The following KLHL13 variants were observed in gnomAD, a reference collection of about 807,000 sequenced individuals.
KLHL13 encodes kelch-like protein 13.
KLHL13 carries 10 observed loss-of-function variants against 37.1 expected under a neutral mutation model. That is an observed-to-expected ratio of 0.27 (90% CI 0.17 to 0.46). KLHL13 has a LOEUF of 0.46. Ranked by LOEUF, KLHL13 falls within the 20% of genes least tolerant of loss-of-function variation. The probability of loss-of-function intolerance (pLI) is 1.00; values close to 1 mark genes in which losing one functional copy is unlikely to be tolerated. For synonymous variants in KLHL13, 163 were observed against 181.2 expected, an observed-to-expected ratio of 0.90 and a Z score of 0.81; for missense variants, 360 against 509.3, an observed-to-expected ratio of 0.71 and a Z score of 2.82.
chrX:117,987,697 G>T (rs2053744036), intron 1 of KLHL13, among the ~76,000 whole-genome samples: 1 of 112,096 alleles, frequency 8.9e-6, no homozygotes, highest in South Asian at 3.6e-4. Context: ...TTAGTCAACT[G>T]TTTTATGTTA....
chrX:118,046,064 C>A (rs1228297599), intron 1 of KLHL13, among the ~76,000 whole-genome samples: 1 of 112,027 alleles, frequency 8.9e-6, no homozygotes, highest in Non-Finnish European at 1.9e-5. Flanking sequence ...GAAAGAAAAT[C>A]TATGTATCAA....
intron 1 of KLHL13, among the ~76,000 whole-genome samples, chrX:117,960,626 T>C (rs2053280407): frequency 8.9e-6 from 1 of 112,518 alleles, no homozygotes; most frequent in Admixed American, 9.4e-5. Context: ...ACCTGTATTA[T>C]TTGAATTTCC....
chrX:117,949,382 G>A (rs1412330931), intron 1 of KLHL13, among the ~76,000 whole-genome samples: 1 of 107,984 alleles, frequency 9.3e-6, no homozygotes, highest in Admixed American at 9.7e-5. Flanking sequence ...CTATGTCCTG[G>A]TAGGTGGGCC....
At chrX:118,088,123 T>C (rs1195092979) in intron 1 of KLHL13, among the ~76,000 whole-genome samples, 7 of 112,059 alleles carry the variant, frequency 6.2e-5, no homozygotes, top group Non-Finnish European at 1.9e-5. Flanking sequence ...TTAAGAGTAA[T>C]ACAACAGACA....
At chrX:118,062,012 C>T in intron 1 of KLHL13, among the ~76,000 whole-genome samples, 1 of 110,926 alleles carries the variant, frequency 9.0e-6, no homozygotes, top group Non-Finnish European at 1.9e-5. Flanking sequence ...CTTCTCCATA[C>T]CTTACTGTTT....
At chrX:117,976,784 T>C (rs923493726), upstream of KLHL13, among the ~76,000 whole-genome samples, 3 of 111,848 alleles carry the variant, frequency 2.7e-5, no homozygotes, top group Admixed American at 2.9e-4. Flanking sequence ...AGTTAAAAAA[T>C]ACCTGTGAAA....
intron 5 of KLHL13, among the ~76,000 whole-genome samples, chrX:117,904,775 G>C (rs755436863): frequency 1.8e-5 from 2 of 111,395 alleles, no homozygotes; most frequent in Admixed American, 1.9e-4. Context: ...TTGTGACAGA[G>C]ATTTAATGGC....
intron 1 of KLHL13, among the ~76,000 whole-genome samples, chrX:118,065,938 C>A (rs2054790036): frequency 9.0e-6 from 1 of 111,569 alleles, no homozygotes; most frequent in Non-Finnish European, 1.9e-5. Flanking sequence ...TTTTTTCTGA[C>A]AACATAGCTG....
intron 1 of KLHL13, among the ~76,000 whole-genome samples, chrX:117,998,409 T>G (rs544246060): frequency 1.8e-5 from 2 of 110,802 alleles, no homozygotes; most frequent in South Asian, 7.6e-4. Flanking sequence ...AATTATTAAC[T>G]ATGACAGAGG....
At chrX:118,025,972 A>C (rs1036829800) in intron 1 of KLHL13, among the ~76,000 whole-genome samples, 2 of 111,818 alleles carry the variant, frequency 1.8e-5, no homozygotes, top group Non-Finnish European at 3.8e-5. Flanking sequence ...TGACAGTTGG[A>C]TTCGGTACTA....
At chrX:117,943,298 T>G (rs1933143190) in intron 2 of KLHL13, among the ~76,000 whole-genome samples, 1 of 111,156 alleles carries the variant, frequency 9.0e-6, no homozygotes, top group Non-Finnish European at 1.9e-5. Flanking sequence ...CTGACGATTA[T>G]GTGTTTTGGG....
chrX:118,072,143 T>C (rs1432601864), intron 1 of KLHL13, among the ~76,000 whole-genome samples: 10 of 109,314 alleles, frequency 9.1e-5, no homozygotes, highest in Non-Finnish European at 1.5e-4. Context: ...TATAGATCAA[T>C]GGAACACAAC....
At chrX:118,103,479 G>T (rs2055311948) in intron 1 of KLHL13, among the ~76,000 whole-genome samples, 1 of 111,428 alleles carries the variant, frequency 9.0e-6, no homozygotes, top group African/African-American at 3.3e-5. Flanking sequence ...TAAAAATACT[G>T]AAAAAGTGTA....
rs750147411 is a variant in KLHL13 at position 117,909,635 on chromosome X, T to C, written c.1032A>G (p.Thr344=). The change falls in exon 5 of 7, where the codon ACA becomes ACG. Residue 344 remains threonine, a synonymous_variant. Coordinates refer to ENST00000262820, the Ensembl canonical transcript of KLHL13. The stretch of plus-strand genomic sequence containing the variant: ...GCTGCTGCCTCAGCACTCCTCCTAG[T>C]GTAACCAAGTGAGTGGTGTCAGACC... 3 of 1,209,840 alleles carry C rather than the reference T, an allele frequency of 2.5e-6. No homozygotes were observed. In the African/African-American group the frequency reaches 5.2e-5, roughly 21 times the overall value.
At position 118,109,216 on chromosome X, in the gene KLHL13, CAT is replaced by C. The variant is rs949866012; in HGVS notation, c.-56+7290_-56+7291del. Among the ~76,000 whole-genome samples, 17 of 112,045 alleles carry C rather than the reference CAT, an allele frequency of 1.5e-4. No individual in the cohort carries two copies. The South Asian group carries it at 2.2e-3, about 15-fold the overall frequency. On this transcript the variant is annotated intron_variant, in intron 1 of 6. Transcript: ENST00000371882. ...TTAAAAACTCTGTAAGAACTCAACACATGTTTAGATTTAGACCATTAGACCAA... is the reference window on the plus strand; with the variant it reads ...TTAAAAACTCTGTAAGAACTCAACACGTTTAGATTTAGACCATTAGACCAA...
At chrX:117,901,013 A>AT (rs1188849327) in intron 6 of KLHL13, among the ~76,000 whole-genome samples, 1 of 111,947 alleles carries the variant, frequency 8.9e-6, no homozygotes, top group East Asian at 2.8e-4. Flanking sequence ...CCATTTCAGA[A>AT]TTTTTTAACA....
intron 1 of KLHL13, among the ~76,000 whole-genome samples, chrX:118,080,089 T>C (rs1027324880): frequency 1.6e-4 from 18 of 111,800 alleles, no homozygotes; most frequent in African/African-American, 4.9e-4. Flanking sequence ...TGCAAAAGAA[T>C]GAAACTGGAT....
intron 1 of KLHL13, among the ~76,000 whole-genome samples, chrX:118,057,815 G>A (rs1331886653): frequency 1.8e-5 from 2 of 108,404 alleles, no homozygotes; most frequent in Non-Finnish European, 3.8e-5. Flanking sequence ...AACAGAGCGA[G>A]AGTCCATTTC....
rs188648405 is a variant in KLHL13, at chrX:118,077,725, G to A, written c.-56+38783C>T. Among the ~76,000 whole-genome samples, 4 of 111,067 alleles carry A rather than the reference G, an allele frequency of 3.6e-5. No homozygotes were observed. In the East Asian group the frequency reaches 1.1e-3, roughly 32 times the overall value. ...TAACTTGGCCTGTTCTACTATCTGA[G>A]ACTGATTTTTACCTCTGGATTAAGT... On this transcript the variant is annotated intron_variant, in intron 1 of 6. Coordinates refer to the KLHL13 transcript ENST00000371882.
Sources: allele counts gnomAD v4.1 joint callset (sites outside exome capture counted in the v4.1 genomes callset), GRCh38; gene constraint gnomAD v4.1.1; transcripts MANE v1.5; gene names NCBI Gene and HGNC (gene_info 2026-07-23, HGNC 2026-07-21).